The following RP1 variants were observed in gnomAD, a reference collection of about 807,000 sequenced individuals.
The protein encoded by RP1 is oxygen-regulated protein 1.
Under a neutral mutation model 14.8 loss-of-function variants are expected in RP1, and 16 were observed. The observed-to-expected ratio is 1.08, with a 90% CI of 0.73 to 1.65. The LOEUF (loss-of-function observed/expected upper bound fraction) is 1.65. RP1 is among the 40% of genes most tolerant of loss of function. The pLI, the probability that RP1 is intolerant of heterozygous loss-of-function variation, is 0.00. For synonymous variants in RP1, 876 were observed against 883.6 expected, an observed-to-expected ratio of 0.99 and a Z score of 0.15; for missense variants, 2,631 against 2,535.0, an observed-to-expected ratio of 1.04 and a Z score of -0.81.
At chr8:54,811,969 T>C (rs1279839295) in intron 24 of RP1, among the ~76,000 whole-genome samples, 1 of 152,198 alleles carries the variant, frequency 6.6e-6, no homozygotes, top group Non-Finnish European at 1.5e-5. Context: ...ATAAAAACAT[T>C]GTATAATTGA....
intron 24 of RP1, among the ~76,000 whole-genome samples, chr8:54,828,913 A>C (rs1454446653): frequency 6.6e-5 from 4 of 60,384 alleles, no homozygotes; most frequent in Non-Finnish European, 8.8e-5. Context: ...TTTTTTTGAG[A>C]TGGAGTCTCG....
rs1276671291 is a variant in RP1, at chr8:54,630,622, A to G, written c.*269A>G. 5.5e-5 allele frequency: 65 copies of G among 1,186,996 alleles called. No individual in the cohort carries two copies. Among genetic ancestry groups the G allele is most frequent in the East Asian group, 9.4e-5 (2 of 21,352 alleles). 73.5% of individuals were successfully genotyped at this position (1,186,996 alleles called of 1,614,324 possible). On this transcript the variant is annotated 3_prime_UTR_variant, in exon 4 of 4. Coordinates refer to ENST00000220676, the MANE Select transcript of RP1 (RefSeq NM_006269.2). ...TACATTTTTTTTTTTTTTGGTATCTATGATTTTTTTTGCTCAGGGCATCAA... is the reference window on the plus strand; with the variant it reads ...TACATTTTTTTTTTTTTTGGTATCTGTGATTTTTTTTGCTCAGGGCATCAA...
chr8:54,633,782 T>C (rs1234092424), downstream of RP1, among the ~76,000 whole-genome samples: 1 of 147,510 alleles, frequency 6.8e-6, no homozygotes, highest in Non-Finnish European at 1.5e-5. Context: ...TTTTCAACAT[T>C]TAGTCATATA....
intron 18 of RP1, among the ~76,000 whole-genome samples, chr8:54,737,699 G>C (rs1808966872): frequency 6.6e-6 from 1 of 152,142 alleles, no homozygotes; most frequent in African/African-American, 2.4e-5. Flanking sequence ...GCCCAGGTCT[G>C]TTCTAGCTGC....
chr8:54,672,270 T>A (rs1436826714), intron 7 of RP1, among the ~76,000 whole-genome samples: 1 of 152,144 alleles, frequency 6.6e-6, no homozygotes, highest in Non-Finnish European at 1.5e-5. Flanking sequence ...GTTTCTCAGG[T>A]AGCCTTCAGA....
chr8:54,615,342 A>C (rs1361120703), upstream of RP1, among the ~76,000 whole-genome samples: 1 of 152,180 alleles, frequency 6.6e-6, no homozygotes, highest in Non-Finnish European at 1.5e-5. Flanking sequence ...GTTTCCCCAG[A>C]GGACCCCTTA....
At chr8:54,741,572 T>A (rs570020118) in intron 19 of RP1, among the ~76,000 whole-genome samples, 1 of 151,614 alleles carries the variant, frequency 6.6e-6, no homozygotes, top group East Asian at 1.9e-4. Flanking sequence ...CTCTATGATG[T>A]TTACACAATA....
intron 1 of RP1, among the ~76,000 whole-genome samples, chr8:54,601,788 T>C (rs1459543783): frequency 6.6e-6 from 1 of 152,166 alleles, no homozygotes; most frequent in Non-Finnish European, 1.5e-5. Context: ...ACTACATGGA[T>C]GAATCTCAAA....
intron 3 of RP1, among the ~76,000 whole-genome samples, chr8:54,648,500 T>C (rs1338003399): frequency 2.0e-5 from 3 of 152,162 alleles, no homozygotes; most frequent in Non-Finnish European, 4.4e-5. Context: ...AGCAGATAAC[T>C]TCTCAAATTC....
At chr8:54,844,273 T>C (rs945231555) in intron 25 of RP1, among the ~76,000 whole-genome samples, 1 of 152,240 alleles carries the variant, frequency 6.6e-6, no homozygotes, top group African/African-American at 2.4e-5. Flanking sequence ...TAGCTCAATT[T>C]ATTTATTTAT....
intron 1 of RP1, among the ~76,000 whole-genome samples, chr8:54,585,527 A>T (rs1423880759): frequency 1.3e-5 from 2 of 151,962 alleles, no homozygotes; most frequent in Non-Finnish European, 2.9e-5. Context: ...GTATTTCCTG[A>T]ATTTGAATGT....
intron 3 of RP1, among the ~76,000 whole-genome samples, chr8:54,636,569 CT>C (rs1200191295): frequency 1.3e-5 from 2 of 152,142 alleles, no homozygotes; most frequent in Non-Finnish European, 2.9e-5. Context: ...GAAACCCGTT[CT>C]TTACTAAAAA....
At chr8:54,853,697 G>A (rs1011370915) in intron 26 of RP1, among the ~76,000 whole-genome samples, 1 of 148,232 alleles carries the variant, frequency 6.7e-6, no homozygotes, top group African/African-American at 2.5e-5. Flanking sequence ...AATTGCTTGA[G>A]CCTAGCCCAA....
At chr8:54,622,804 C>G (rs185597409) in intron 3 of RP1, among the ~76,000 whole-genome samples, 55 of 152,334 alleles carry the variant, frequency 3.6e-4, no homozygotes, top group African/African-American at 1.1e-3. Flanking sequence ...CCAATTCATG[C>G]TGGTTAATGG....
chr8:54,766,744 A>C (rs538776707), intron 22 of RP1, among the ~76,000 whole-genome samples: 2 of 152,256 alleles, frequency 1.3e-5, no homozygotes, highest in East Asian at 3.9e-4. Flanking sequence ...TGTCTACTTT[A>C]ATCTTAAAAG....
At chr8:54,843,598 G>A (rs1330659195) in intron 25 of RP1, among the ~76,000 whole-genome samples, 2 of 152,180 alleles carry the variant, frequency 1.3e-5, no homozygotes, top group African/African-American at 4.8e-5. Flanking sequence ...TCACCACAAT[G>A]AGTGCTCTGA....
chr8:54,860,771 T>A (rs1423994134), intron 27 of RP1, among the ~76,000 whole-genome samples: 1 of 152,242 alleles, frequency 6.6e-6, no homozygotes, highest in Non-Finnish European at 1.5e-5. Flanking sequence ...GACAGACACA[T>A]ATGAAATACT....
intron 12 of RP1, among the ~76,000 whole-genome samples, chr8:54,692,144 A>G (rs1807729549): frequency 6.6e-6 from 1 of 151,396 alleles, no homozygotes; most frequent in South Asian, 2.1e-4. Flanking sequence ...AAGGACATGA[A>G]CTCATCGTTT....
Position 54,629,305 on chromosome 8 carries a change from T to C in RP1, c.5423T>C (p.Leu1808Pro), listed in dbSNP as rs371969576. ...CTCTCCTCTTCAGAACTCGAGGAAC[T>C]GACTCAACCCCTTGAACTAAAATGC... Reference protein sequence around the residue: ...DELSSSELEELTQPLELKCNY... With the variant: ...DELSSSELEEPTQPLELKCNY... Residue 1808 changes from leucine to proline, a missense_variant, in exon 4 of 4, where the codon CTG becomes CCG. Physicochemically the swap from Leu to Pro is moderately conservative, Grantham distance 98. Transcript: ENST00000220676. The C allele has an allele frequency of 3.7e-6, 6 of 1,613,732 alleles. No homozygotes were observed. Among genetic ancestry groups the C allele is most frequent in the Admixed American group, 1.7e-5 (1 of 59,964 alleles).
Sources: gnomAD v4.1 joint callset for allele counts (sites outside exome capture counted in the v4.1 genomes callset) on GRCh38, gnomAD v4.1.1 for gene constraint, MANE v1.5 for transcripts, NCBI Gene and HGNC (gene_info 2026-07-23, HGNC 2026-07-21) for gene names.